MARCHF1: variants seen among roughly 807,000 people sequenced by gnomAD.
MARCHF1 encodes membrane associated ring-CH-type finger 1.
Under a neutral mutation model 54.2 loss-of-function variants are expected in MARCHF1, and 40 were observed. The observed-to-expected ratio is 0.74, with a 90% CI of 0.57 to 0.96. The LOEUF is 0.96. MARCHF1 is among the 40% of genes least tolerant of loss of function. MARCHF1 has a pLI of 0.00. For missense variants in MARCHF1, 586 were observed against 656.5 expected, an observed-to-expected ratio of 0.89 and a Z score of 1.17; for synonymous variants, 236 against 236.3, an observed-to-expected ratio of 1.00 and a Z score of 0.01.
At chr4:163,864,020 A>G (rs901758858) in intron 3 of MARCHF1, among the ~76,000 whole-genome samples, 3 of 152,006 alleles carry the variant, frequency 2.0e-5, no homozygotes, top group African/African-American at 7.2e-5. Context: ...ATACTGATAT[A>G]ATGAATGATT....
At chr4:164,181,390 A>G (rs756944163) in intron 1 of MARCHF1, among the ~76,000 whole-genome samples, 2 of 152,298 alleles carry the variant, frequency 1.3e-5, no homozygotes, top group African/African-American at 2.4e-5. Context: ...TTATATTTGT[A>G]CACTATGTAT....
At chr4:163,986,145 A>C (rs1354481834) in intron 3 of MARCHF1, among the ~76,000 whole-genome samples, 1 of 151,522 alleles carries the variant, frequency 6.6e-6, no homozygotes, top group African/African-American at 2.4e-5. Flanking sequence ...GAAGCATTTG[A>C]AACATTATAA....
intron 2 of MARCHF1, among the ~76,000 whole-genome samples, chr4:164,040,008 A>AAT (rs1267545808): frequency 6.8e-6 from 1 of 147,156 alleles, no homozygotes; most frequent in Non-Finnish European, 1.5e-5. Flanking sequence ...TTGTATATAT[A>AAT]ATATATATAC....
intron 1 of MARCHF1, among the ~76,000 whole-genome samples, chr4:164,213,642 T>A (rs977010845): frequency 3.3e-5 from 5 of 152,130 alleles, no homozygotes; most frequent in Admixed American, 6.5e-5. Flanking sequence ...TCAATATTTT[T>A]AAAAAATTAA....
chr4:163,744,603 CAAAT>C (rs1326528516), intron 4 of MARCHF1, among the ~76,000 whole-genome samples: 2 of 152,084 alleles, frequency 1.3e-5, no homozygotes, highest in South Asian at 2.1e-4. Context: ...TAATACCTGT[CAAAT>C]AAGGAATATT....
chr4:163,683,975 C>T (rs1744189538), intron 5 of MARCHF1, among the ~76,000 whole-genome samples: 1 of 152,132 alleles, frequency 6.6e-6, no homozygotes, highest in Admixed American at 6.6e-5. Context: ...GCTGAAGCTC[C>T]TTGGGCATCT....
intron 1 of MARCHF1, among the ~76,000 whole-genome samples, chr4:164,369,066 C>T (rs1236108724): frequency 2.5e-4 from 19 of 77,350 alleles, no homozygotes; most frequent in African/African-American, 6.1e-5. Context: ...TATGACTGAA[C>T]GTTTATATCA....
chr4:164,163,432 A>T (rs532773731), intron 1 of MARCHF1, among the ~76,000 whole-genome samples: 15 of 152,150 alleles, frequency 9.9e-5, no homozygotes, highest in African/African-American at 3.1e-4. Flanking sequence ...TTGATGTATT[A>T]AACATTTAGA....
At chr4:164,094,939 T>A (rs941540155) in intron 2 of MARCHF1, among the ~76,000 whole-genome samples, 1 of 152,118 alleles carries the variant, frequency 6.6e-6, no homozygotes, top group Non-Finnish European at 1.5e-5. Context: ...AAAAGATAAC[T>A]GTATCATAAC....
In MARCHF1 at chr4:164,191,974, C is replaced by G. The variant is rs148878307; in HGVS notation, c.-322-80312G>C. Among the ~76,000 whole-genome samples, 349 of 152,124 alleles carry G rather than the reference C, an allele frequency of 2.3e-3. 1 individual carries two copies. Among genetic ancestry groups the G allele is most frequent in the Non-Finnish European group, 3.9e-3 (263 of 67,952 alleles). ...ATCTGGGGAAACTAGTACTAGAACA[C>G]GACCAATGGTAAAATATGACAACTT... On this transcript the variant is annotated intron_variant, in intron 1 of 9. Transcript: ENST00000514618.
intron 1 of MARCHF1, among the ~76,000 whole-genome samples, chr4:164,357,233 G>C (rs1730584059): frequency 6.6e-6 from 1 of 152,040 alleles, no homozygotes; most frequent in African/African-American, 2.4e-5. Flanking sequence ...CATGACCAGG[G>C]CTCATTCATT....
chr4:164,352,665 A>T (rs1484789585), intron 1 of MARCHF1, among the ~76,000 whole-genome samples: 5 of 150,692 alleles, frequency 3.3e-5, no homozygotes, highest in Admixed American at 2.6e-4. Flanking sequence ...TCATGCCAAA[A>T]TGTAAAGACC....
At chr4:164,068,574 C>T (rs1754782286) in intron 2 of MARCHF1, among the ~76,000 whole-genome samples, 1 of 152,204 alleles carries the variant, frequency 6.6e-6, no homozygotes, top group African/African-American at 2.4e-5. Context: ...TCTCACCAGG[C>T]CTTAGGTGCC....
intron 1 of MARCHF1, among the ~76,000 whole-genome samples, chr4:164,266,748 A>G (rs1354282721): frequency 6.6e-6 from 1 of 152,214 alleles, no homozygotes; most frequent in Non-Finnish European, 1.5e-5. Flanking sequence ...TGGTTTAAAC[A>G]AAATCTTGAG....
chr4:163,526,821 T>C lies in MARCHF1; in HGVS notation c.*1927A>G, dbSNP rs1319035969. Reference sequence around the variant, plus strand: ...TTAACATTTTCCCCGCATATATACATGACTACACACACGCCATACACACAC... The same window carrying C: ...TTAACATTTTCCCCGCATATATACACGACTACACACACGCCATACACACAC... On this transcript the variant is annotated 3_prime_UTR_variant, in exon 10 of 10. Coordinates refer to ENST00000514618, the MANE Select transcript of MARCHF1 (RefSeq NM_001394959.1). 1 of 151,878 alleles carries C rather than the reference T, an allele frequency of 6.6e-6. No homozygotes were observed. Among genetic ancestry groups the C allele is most frequent in the East Asian group, 1.9e-4 (1 of 5,180 alleles). 9.4% of individuals were successfully genotyped at this position (151,878 alleles called of 1,614,324 possible).
chr4:163,557,701 G>A (rs1394266941), intron 8 of MARCHF1, among the ~76,000 whole-genome samples: 1 of 150,824 alleles, frequency 6.6e-6, no homozygotes, highest in East Asian at 2.0e-4. Context: ...AAATGGGTTA[G>A]CCTTGCTTTT....
At position 164,098,775 on chromosome 4, in the gene MARCHF1, G is replaced by A. The variant is rs541235048; in HGVS notation, c.-248+12813C>T. 1.8e-4 allele frequency among the ~76,000 whole-genome samples: 28 copies of A among 152,212 alleles called. No individual in the cohort carries two copies. The South Asian group carries it at 5.8e-3, about 32-fold the overall frequency. On this transcript the variant is annotated intron_variant, in intron 2 of 9. Coordinates refer to ENST00000514618, the MANE Select transcript of MARCHF1 (RefSeq NM_001394959.1). The stretch of plus-strand genomic sequence containing the variant: ...TTGGCTGTCTTTATGCAATGGTTAG[G>A]GCTGACCATCTATATTCATAACTCT...
At chr4:164,047,856 G>T (rs1754275089) in intron 2 of MARCHF1, among the ~76,000 whole-genome samples, 3 of 152,084 alleles carry the variant, frequency 2.0e-5, no homozygotes, top group Admixed American at 2.0e-4. Flanking sequence ...ATTAGTGTCT[G>T]TATTTGTAAT....
intron 4 of MARCHF1, among the ~76,000 whole-genome samples, chr4:163,754,485 T>C (rs1746609327): frequency 6.6e-6 from 1 of 152,214 alleles, no homozygotes; most frequent in African/African-American, 2.4e-5. Context: ...GATGGGATCA[T>C]ATGTCAGTGA....
Sources: gnomAD v4.1 joint callset for allele counts (sites outside exome capture counted in the v4.1 genomes callset) on GRCh38, gnomAD v4.1.1 for gene constraint, MANE v1.5 for transcripts, NCBI Gene and HGNC (gene_info 2026-07-23, HGNC 2026-07-21) for gene names.